RASSF6: variants seen among roughly 807,000 people sequenced by gnomAD.
RASSF6 encodes Ras association domain family member 6, also known as ras association domain-containing protein 6.
A neutral mutation model predicts 44.0 loss-of-function variants in RASSF6; 52 were observed. That is an observed-to-expected ratio of 1.18 (90% confidence interval 0.95 to 1.49). The LOEUF (loss-of-function observed/expected upper bound fraction) is 1.49. Ranked by LOEUF, RASSF6 falls within the 40% of genes most tolerant of loss-of-function variation. The probability of loss-of-function intolerance (pLI) is 0.00; values close to 1 mark genes in which losing one functional copy is unlikely to be tolerated. For synonymous variants in RASSF6, 162 were observed against 124.6 expected, an observed-to-expected ratio of 1.30 and a Z score of -2.00; for missense variants, 464 against 393.3, an observed-to-expected ratio of 1.18 and a Z score of -1.52.
chr4:73,616,599 T>TC (rs1318284998), intron 1 of RASSF6, among the ~76,000 whole-genome samples: 1 of 152,120 alleles, frequency 6.6e-6, no homozygotes, highest in Non-Finnish European at 1.5e-5. Flanking sequence ...TAATTATTTC[T>TC]TTTTTTATTT....
At position 73,582,615 on chromosome 4, in the gene RASSF6, G is replaced by A. The variant is rs1389969716; in HGVS notation, c.568-325C>T. Among the ~76,000 whole-genome samples the A allele has an allele frequency of 3.3e-5, 5 of 151,994 alleles. No individual in the cohort carries two copies. In the East Asian group the frequency reaches 7.7e-4, roughly 23 times the overall value. ...TGTCACCAGATGCATATTTAAAAACGGATAGAGATATTAAGTAAGGATTTA... is the reference window on the plus strand; with the variant it reads ...TGTCACCAGATGCATATTTAAAAACAGATAGAGATATTAAGTAAGGATTTA... On this transcript the variant is annotated intron_variant, in intron 6 of 10. Transcript: ENST00000307439.
chr4:73,620,273 A>ATGTTAT lies in RASSF6; in HGVS notation c.-35+14_-35+15insATAACA, dbSNP rs1560466673. ...AGTGGATTAGAAAGTTTTTTTCCCCATCCCCATTTTTTACCTGTTATTCAC... is the reference window on the plus strand; with the variant it reads ...AGTGGATTAGAAAGTTTTTTTCCCCATGTTATTCCCCATTTTTTACCTGTTATTCAC... On this transcript the variant is annotated intron_variant, in intron 1 of 10. Transcript: ENST00000307439. 7.2e-7 allele frequency: 1 copy of ATGTTAT among 1,394,988 alleles called. No individual in the cohort carries two copies. Among genetic ancestry groups the ATGTTAT allele is most frequent in the African/African-American group, 1.5e-5 (1 of 66,686 alleles). 86.4% of individuals were successfully genotyped at this position (1,394,988 alleles called of 1,614,324 possible). A position where few individuals can be genotyped will look rare whatever the true frequency, so the allele number is the denominator to read the frequency against.
At position 73,574,931 on chromosome 4, in the gene RASSF6, C is replaced by G. The variant is rs574397103; in HGVS notation, c.*1304G>C. On this transcript the variant is annotated 3_prime_UTR_variant, in exon 11 of 11. Coordinates refer to ENST00000307439, the MANE Select transcript of RASSF6 (RefSeq NM_177532.5). ...CATTTAAGTGAGATGAGACTATTTT[C>G]TTATTAATATTGACAGGTGAAAGAA... The G allele has an allele frequency of 9.2e-5, 14 of 152,092 alleles. No homozygotes were observed. The highest frequency in any genetic ancestry group is 3.1e-4 in the African/African-American group (13 of 41,480). The allele number at this position is 152,092 out of a possible 1,614,324, so 9.4% of individuals were successfully genotyped here.
chr4:73,609,330 C>T (rs1011547669), intron 2 of RASSF6, among the ~76,000 whole-genome samples: 1 of 152,092 alleles, frequency 6.6e-6, no homozygotes, highest in Non-Finnish European at 1.5e-5. Flanking sequence ...CCACCCAGCT[C>T]ACTGTGTGAA....
intron 1 of RASSF6, chr4:73,615,828 G>A (rs1726318237): frequency 1.5e-6 from 2 of 1,350,048 alleles, no homozygotes; most frequent in Admixed American, 4.0e-5. Context: ...CAGCAATGCT[G>A]GAACGTGGTT....
chr4:73,599,097 C>A (rs1374493554), intron 2 of RASSF6, among the ~76,000 whole-genome samples: 1 of 152,200 alleles, frequency 6.6e-6, no homozygotes, highest in Non-Finnish European at 1.5e-5. Context: ...ATACACTACT[C>A]CCTCCTGTGT....
chr4:73,613,576 C>T (rs1013942397), intron 1 of RASSF6, among the ~76,000 whole-genome samples: 1 of 152,136 alleles, frequency 6.6e-6, no homozygotes, highest in African/African-American at 2.4e-5. Flanking sequence ...GATTATTTAT[C>T]ATATATTCCT....
chr4:73,610,753 C>T (rs1247704213), intron 2 of RASSF6, among the ~76,000 whole-genome samples: 1 of 152,208 alleles, frequency 6.6e-6, no homozygotes, highest in African/African-American at 2.4e-5. Context: ...ATCTCTAGCA[C>T]TCTTTACTCC....
chr4:73,589,907 T>C (rs1218716656), intron 4 of RASSF6, among the ~76,000 whole-genome samples: 1 of 152,258 alleles, frequency 6.6e-6, no homozygotes, highest in Non-Finnish European at 1.5e-5. Flanking sequence ...TCCCTACCCA[T>C]ACTGTAAGTA....
intron 8 of RASSF6, among the ~76,000 whole-genome samples, chr4:73,577,708 C>A (rs1723328146): frequency 6.6e-6 from 1 of 152,186 alleles, no homozygotes; most frequent in Non-Finnish European, 1.5e-5. Flanking sequence ...CTCTCATCCA[C>A]CCACCAGAAT....
chr4:73,582,515 T>G (rs960327429), intron 6 of RASSF6, among the ~76,000 whole-genome samples: 1 of 152,180 alleles, frequency 6.6e-6, no homozygotes, highest in African/African-American at 2.4e-5. Context: ...CATTTGAGGA[T>G]GCTTATAACA....
intron 8 of RASSF6, among the ~76,000 whole-genome samples, chr4:73,580,103 A>G (rs948765107): frequency 5.6e-5 from 8 of 141,730 alleles, no homozygotes; most frequent in African/African-American, 2.1e-4. Context: ...ATTCCCACCT[A>G]TGAGTGAGAA....
intron 4 of RASSF6, among the ~76,000 whole-genome samples, chr4:73,592,143 A>T (rs567085721): frequency 1.3e-5 from 2 of 152,260 alleles, no homozygotes; most frequent in Non-Finnish European, 1.5e-5. Flanking sequence ...TAGAAATTGC[A>T]TGAAATGTGT....
intron 2 of RASSF6, 127 bp downstream of exon 2, chr4:73,611,604 T>C: frequency 1.9e-6 from 1 of 513,724 alleles, no homozygotes; most frequent in East Asian, 3.0e-5. Flanking sequence ...ACTTCTTATC[T>C]AGTATCTCTA....
rs981028173 is a variant in RASSF6 at position 73,582,293 on chromosome 4, A to G, written c.568-3T>C. The G allele has an allele frequency of 1.3e-6, 2 of 1,496,408 alleles. No individual in the cohort carries two copies. The highest frequency in any genetic ancestry group is 1.8e-6 in the Non-Finnish European group (2 of 1,083,130). The allele number at this position is 1,496,408 out of a possible 1,614,324, so 92.7% of individuals were successfully genotyped here. ...AAGGCTGGAATGAAAATTGATGTCT[A>G]GAAAAAGAATTGTCACATAAGTCTT... On this transcript the variant is annotated splice_region_variant and splice_polypyrimidine_tract_variant and intron_variant, in intron 6 of 10. Coordinates refer to ENST00000307439, the MANE Select transcript of RASSF6 (RefSeq NM_177532.5).
chr4:73,604,086 C>T (rs1404729102), intron 2 of RASSF6: 1 of 152,188 alleles, frequency 6.6e-6, no homozygotes, highest in African/African-American at 2.4e-5. Context: ...TTGCCAAAGG[C>T]ATGTTTATCC....
At chr4:73,605,502 C>T (rs1302378967) in intron 2 of RASSF6, among the ~76,000 whole-genome samples, 1 of 152,192 alleles carries the variant, frequency 6.6e-6, no homozygotes, top group Non-Finnish European at 1.5e-5. Context: ...GGTCTTTTCG[C>T]TTTTGGCCTC....
At chr4:73,592,165 A>C (rs141047909) in intron 4 of RASSF6, among the ~76,000 whole-genome samples, 137 of 152,342 alleles carry the variant, frequency 9.0e-4, no homozygotes, top group African/African-American at 3.1e-3. Context: ...GGGAATTACA[A>C]AACATTCAGC....
upstream of RASSF6, chr4:73,620,569 A>C: frequency 8.2e-7 from 1 of 1,213,414 alleles, no homozygotes; most frequent in South Asian, 1.5e-5. Flanking sequence ...GCTGTTAATT[A>C]TTTCTCCTTT....
Sources: allele counts gnomAD v4.1 joint callset (sites outside exome capture counted in the v4.1 genomes callset), GRCh38; gene constraint gnomAD v4.1.1; transcripts MANE v1.5; gene names NCBI Gene and HGNC (gene_info 2026-07-23, HGNC 2026-07-21).